ARMC5: variants seen among roughly 807,000 people sequenced by gnomAD.
ARMC5 encodes armadillo repeat-containing protein 5.
ARMC5 carries 28 observed loss-of-function variants against 60.5 expected under a neutral mutation model. That is an observed-to-expected ratio of 0.46 (90% confidence interval 0.34 to 0.63). ARMC5 has a LOEUF of 0.63. ARMC5 is among the 30% of genes least tolerant of loss of function. The pLI is 0.01. For synonymous variants in ARMC5, 680 were observed against 607.3 expected, an observed-to-expected ratio of 1.12 and a Z score of -1.76; for missense variants, 1,189 against 1,304.9, an observed-to-expected ratio of 0.91 and a Z score of 1.37.
chr16:31,459,544 C>T lies in ARMC5; in HGVS notation c.20C>T (p.Thr7Ile). ...GCCAAGATGGCGGCTGCGAAGCCAA[C>T]CCTCACGGACTCGCTCTCGTTCTGC... The part of the protein sequence containing the change: MAAAKP[T>I]LTDSLSFCLA... The change falls in exon 1 of 6, where the codon ACC (threonine) becomes ATC (isoleucine). Residue 7 changes from threonine to isoleucine, a missense_variant. Transcript: ENST00000268314. 1 of 1,605,722 alleles carries T rather than the reference C, an allele frequency of 6.2e-7. No homozygotes were observed. The highest frequency in any genetic ancestry group is 8.5e-7 in the Non-Finnish European group (1 of 1,178,944).
chr16:31,459,989 A>G lies in ARMC5; in HGVS notation c.465A>G (p.Ile155Met), dbSNP rs1011892852. ...CRTEVRRLGG[I>M]LPLVTILQCM... ...CCGAAGTGCGCAGACTCGGAGGCAT[A>G]CTCCCTTTGGGTAAGTGCTCCGCCC... Residue 155 changes from isoleucine to methionine, a missense_variant, in exon 1 of 6, where the codon ATA (isoleucine) becomes ATG (methionine). Ile to Met is a conservative substitution (Grantham distance 10). Transcript: ENST00000268314. 1 of 1,596,958 alleles carries G rather than the reference A, an allele frequency of 6.3e-7. No individual in the cohort carries two copies. Among genetic ancestry groups the G allele is most frequent in the Non-Finnish European group, 8.5e-7 (1 of 1,178,358 alleles).
chr16:31,459,885 C>G lies in ARMC5; in HGVS notation c.361C>G (p.Pro121Ala), dbSNP rs1464744973. The change falls in exon 1 of 6, where the codon CCG (proline) becomes GCG (alanine). Residue 121 changes from proline to alanine, a missense_variant. Around this residue, in one of 2 missense-constraint regions of ARMC5, gnomAD observed 327 missense variants for 233.7 expected, o/e 1.40. Coordinates refer to ENST00000268314, the MANE Select transcript of ARMC5 (RefSeq NM_001105247.2). The stretch of plus-strand genomic sequence containing the variant: ...CGCTGTGTCGTCGTCTAGTCCTACG[C>G]CGCCAGTGCGCCTGCGCAAGACGCT... ...PSAVSSSSPT[P>A]PVRLRKTLDL... 6 of 1,605,636 alleles carry G rather than the reference C, an allele frequency of 3.7e-6. No homozygotes were observed. The African/African-American group carries it at 8.0e-5, about 21-fold the overall frequency.
chr16:31,461,105 C>T (rs1313462235), intron 1 of ARMC5, among the ~76,000 whole-genome samples: 1 of 152,328 alleles, frequency 6.6e-6, no homozygotes, highest in East Asian at 1.9e-4. Flanking sequence ...CTGCTTCTCT[C>T]TCTTCCTACT....
chr16:31,466,237 C>T lies in ARMC5; in HGVS notation c.2156C>T (p.Ala719Val). 1 of 1,613,816 alleles carries T rather than the reference C, an allele frequency of 6.2e-7. No individual in the cohort carries two copies. Among genetic ancestry groups the T allele is most frequent in the Non-Finnish European group, 8.5e-7 (1 of 1,179,888 alleles). The change falls in exon 6 of 6, where the codon GCT (alanine) becomes GTT (valine). Residue 719 changes from alanine to valine, a missense_variant. By Grantham distance (64) the Ala-to-Val change is moderately conservative. Transcript: ENST00000268314. The surrounding 1 kb of genome is among the most constrained non-coding windows in gnomAD (Gnocchi z 8.0). ...CTGGTGTCTCCCACTGTGAGCCCAG[C>T]TGTCCCACAGGCAGTCCCCATGGAC... ...QDLVSPTVSP[A>V]VPQAVPMDLD...
chr16:31,465,774 G>A (rs934340984), intron 4 of ARMC5, 76 bp from the exon 5 acceptor site: 13 of 1,585,560 alleles, frequency 8.2e-6, no homozygotes, highest in Middle Eastern at 1.7e-4. Context: ...TTCATCTCAC[G>A]GGCCCAGAGC....
intron 1 of ARMC5, among the ~76,000 whole-genome samples, chr16:31,461,559 G>C (rs548055522): frequency 3.3e-5 from 5 of 152,304 alleles, no homozygotes; most frequent in South Asian, 4.1e-4. Flanking sequence ...CCAGGCTGGA[G>C]TGCAGTGACA....
rs770539306 is a variant in ARMC5, at chr16:31,464,805, C to T, written c.1782C>T (p.Ala594=). ...VRSYGAALLR[A]WLVLGVAPDD... is the part of the protein sequence containing the mutation. ...GCTATGGCGCGGCGCTGCTGCGGGC[C>T]TGGCTGGTGCTGGGGGTGGCGCCTG... The change falls in exon 4 of 6, where the codon GCC becomes GCT. Residue 594 remains alanine (A), a synonymous_variant. Transcript: ENST00000268314. This position sits in a 1 kb window ranked among gnomAD's most constrained non-coding sequence, Gnocchi z 7.6. The T allele has an allele frequency of 6.3e-7, 1 of 1,597,876 alleles. No individual in the cohort carries two copies. Among genetic ancestry groups the T allele is most frequent in the South Asian group, 1.1e-5 (1 of 90,780 alleles).
rs1355589276 is a variant in ARMC5 at position 31,466,142 on chromosome 16, G to C, written c.2061G>C (p.Ala687=). Residue 687 remains alanine, a synonymous_variant, in exon 6 of 6, where the codon GCG becomes GCC. Coordinates refer to ENST00000268314, the MANE Select transcript of ARMC5 (RefSeq NM_001105247.2). The surrounding 1 kb of genome is among the most constrained non-coding windows in gnomAD (Gnocchi z 8.0). ...EQGGLRLLLA[A]LTRPAPHPLF... ...GTGGTCTCCGGCTCCTCCTTGCGGC[G>C]CTGACCCGGCCGGCCCCACACCCGC... is the stretch of plus-strand genomic sequence containing the variant. 2.5e-6 allele frequency: 4 copies of C among 1,605,824 alleles called. No homozygotes were observed. The highest frequency in any genetic ancestry group is 3.4e-6 in the Non-Finnish European group (4 of 1,179,776).
At chr16:31,460,061 C>T (rs2082291226) in intron 1 of ARMC5, 62 bp downstream of exon 1, 4 of 1,540,190 alleles carry the variant, frequency 2.6e-6, no homozygotes, top group South Asian at 1.1e-5. Flanking sequence ...CTCTCTAGAC[C>T]CGGGCAGTCT....
In ARMC5 at chr16:31,464,235, A is replaced by G. The variant is rs2082328983; in HGVS notation, c.1371-159A>G. 6.8e-6 allele frequency among the ~76,000 whole-genome samples: 1 copy of G among 147,302 alleles called. No homozygotes were observed. Among genetic ancestry groups the G allele is most frequent in the Non-Finnish European group, 1.5e-5 (1 of 67,056 alleles). The stretch of plus-strand genomic sequence containing the variant: ...AGCTCAGGAGTTCAAGGCTGCAGTG[A>G]GCTAGGATCCCACAACTGCATTCCA... On this transcript the variant is annotated intron_variant, in intron 3 of 5. Transcript: ENST00000268314. This position sits in a 1 kb window ranked among gnomAD's most constrained non-coding sequence, Gnocchi z 7.6.
In ARMC5 at chr16:31,459,788, C is replaced by T. The variant is rs780333333; in HGVS notation, c.264C>T (p.Gly88=). Residue 88 remains glycine (G), a synonymous_variant, in exon 1 of 6, where the codon GGC becomes GGT. Transcript: ENST00000268314. ...CGGGTTCCGCCCCGTCCCAGGCAGGCCCCGGCTCCGCCCCCTCGTCGGCCG... is the reference window on the plus strand; with the variant it reads ...CGGGTTCCGCCCCGTCCCAGGCAGGTCCCGGCTCCGCCCCCTCGTCGGCCG... ...AAAGSAPSQA[G]PGSAPSSAAS... 7 of 1,539,226 alleles carry T rather than the reference C, an allele frequency of 4.5e-6. No homozygotes were observed. The highest frequency in any genetic ancestry group is 2.4e-5 in the South Asian group (2 of 84,982).
intron 4 of ARMC5, chr16:31,465,297 G>C (rs1217751589): frequency 6.8e-7 from 1 of 1,469,962 alleles, no homozygotes; most frequent in Non-Finnish European, 9.0e-7. Flanking sequence ...CTGACCACAG[G>C]CTGCTTCATG....
chr16:31,461,365 C>A (rs1596601676), intron 1 of ARMC5, among the ~76,000 whole-genome samples: 1 of 152,272 alleles, frequency 6.6e-6, no homozygotes, highest in East Asian at 1.9e-4. Flanking sequence ...ACATTTGAAG[C>A]CTTTCACAGA....
At position 31,464,663 on chromosome 16, in the gene ARMC5, C is replaced by A; in HGVS notation, c.1640C>A (p.Ala547Glu). ...AGTGGGGCACTTGTGACCGGCCCGG[C>A]GCTGTACGGCCTGCTGACCTATGTG... is the stretch of plus-strand genomic sequence containing the variant. ...DPSGALVTGPALYGLLTYVTG... is the reference protein window; with the variant it reads ...DPSGALVTGPELYGLLTYVTG... The change falls in exon 4 of 6, where the codon GCG becomes GAG. Residue 547 changes from alanine (A) to glutamate (E), a missense_variant. By Grantham distance (107) the Ala-to-Glu change is moderately radical. This residue lies in a region of ARMC5 where 862 missense variants were observed against 1,071.2 expected (regional missense o/e 0.80). Transcript: ENST00000268314. The surrounding 1 kb of genome is among the most constrained non-coding windows in gnomAD (Gnocchi z 7.6). 6.3e-7 allele frequency: 1 copy of A among 1,598,520 alleles called. No homozygotes were observed. Among genetic ancestry groups the A allele is most frequent in the Non-Finnish European group, 8.5e-7 (1 of 1,178,872 alleles).
At position 31,459,723 on chromosome 16, in the gene ARMC5, C is replaced by G; in HGVS notation, c.199C>G (p.Leu67Val). The change falls in exon 1 of 6, where the codon CTC becomes GTC. Residue 67 changes from leucine (L) to valine (V), a missense_variant. Around this residue, in one of 2 missense-constraint regions of ARMC5, gnomAD observed 327 missense variants for 233.7 expected, o/e 1.40. Transcript: ENST00000268314. ...GIERFRARGGLRPLLALLRRA... is the reference protein window; with the variant it reads ...GIERFRARGGVRPLLALLRRA... ...CGAGCGCTTCCGGGCACGCGGCGGG[C>G]TCCGCCCCCTACTCGCGCTGCTACG... 1 of 1,557,770 alleles carries G rather than the reference C, an allele frequency of 6.4e-7. No homozygotes were observed. Among genetic ancestry groups the G allele is most frequent in the Non-Finnish European group, 8.6e-7 (1 of 1,162,984 alleles).
intron 4 of ARMC5, chr16:31,465,598 T>C: frequency 7.2e-7 from 1 of 1,383,964 alleles, no homozygotes; most frequent in African/African-American, 1.5e-5. Flanking sequence ...GTCCTCCGTC[T>C]CTTGCCTCGG....
In ARMC5 at chr16:31,459,847, G is replaced by T. The variant is rs1312540780; in HGVS notation, c.323G>T (p.Gly108Val). 3.2e-6 allele frequency: 5 copies of T among 1,581,380 alleles called. No homozygotes were observed. In the African/African-American group the frequency reaches 5.4e-5, roughly 17 times the overall value. Residue 108 changes from glycine (G) to valine (V), a missense_variant, in exon 1 of 6, where the codon GGC (glycine) becomes GTC (valine). Physicochemically the swap from Gly to Val is moderately radical, Grantham distance 109 (BLOSUM62 -3). Transcript: ENST00000268314. ...GCTTCTAGCCCCGCCCCCGCGTCGG[G>T]CCCCGCCCCCTCCGCTGTGTCGTCG... Reference protein sequence around the residue: ...SGASSPAPASGPAPSAVSSSS... With the variant: ...SGASSPAPASVPAPSAVSSSS...
Position 31,464,610 on chromosome 16 carries a change from G to A in ARMC5, c.1587G>A (p.Leu529=). 1 of 1,593,122 alleles carries A rather than the reference G, an allele frequency of 6.3e-7. No individual in the cohort carries two copies. Among genetic ancestry groups the A allele is most frequent in the Non-Finnish European group, 8.5e-7 (1 of 1,175,750 alleles). Residue 529 remains leucine (L), a synonymous_variant, in exon 4 of 6, where the codon CTG becomes CTA. Coordinates refer to ENST00000268314, the MANE Select transcript of ARMC5 (RefSeq NM_001105247.2). The surrounding 1 kb of genome is among the most constrained non-coding windows in gnomAD (Gnocchi z 7.6). The part of the protein sequence containing the change: ...WGREGPALLL[L]SRFSQAPDPS... ...GCGAAGGGCCAGCCCTGCTGCTGCT[G>A]TCGCGCTTTTCCCAGGCCCCTGACC...
chr16:31,459,031 C>T, upstream of ARMC5: 4 of 1,525,376 alleles, frequency 2.6e-6, no homozygotes, highest in Non-Finnish European at 1.8e-6. Flanking sequence ...GTCTGCGGCG[C>T]GGTCAGGACC....
Sources: allele counts gnomAD v4.1 joint callset (sites outside exome capture counted in the v4.1 genomes callset), GRCh38; gene constraint gnomAD v4.1.1; regional missense constraint gnomAD v4.1.1; non-coding constraint Gnocchi (gnomAD v3.1); transcripts MANE v1.5; gene names NCBI Gene and HGNC (gene_info 2026-07-23, HGNC 2026-07-21).